Variants in DTWD2 observed in about 807,000 individuals in gnomAD.
DTWD2 encodes tRNA-uridine aminocarboxypropyltransferase 2.
In DTWD2, 39 loss-of-function variants were observed where a neutral mutation model predicts 31.8. That is an observed-to-expected ratio of 1.22 (90% CI 0.95 to 1.60). The LOEUF (loss-of-function observed/expected upper bound fraction) is 1.60. Ranked by LOEUF, DTWD2 falls within the 40% of genes most tolerant of loss-of-function variation. DTWD2 has a pLI of 0.00. For synonymous variants in DTWD2, 180 were observed against 142.8 expected, an observed-to-expected ratio of 1.26 and a Z score of -1.86; for missense variants, 515 against 381.5, an observed-to-expected ratio of 1.35 and a Z score of -2.92.
chr5:118,858,420 G>A (rs1752187335), intron 4 of DTWD2, among the ~76,000 whole-genome samples: 1 of 152,180 alleles, frequency 6.6e-6, no homozygotes, highest in South Asian at 2.1e-4. Flanking sequence ...TTGAGCTGGT[G>A]AGAAGTCTCT....
At chr5:118,861,474 G>A (rs1298152205) in intron 4 of DTWD2, among the ~76,000 whole-genome samples, 1 of 152,220 alleles carries the variant, frequency 6.6e-6, no homozygotes, top group East Asian at 1.9e-4. Context: ...CCTACTTACA[G>A]AGGTAGCATA....
rs747386647 is a variant in DTWD2 at position 118,836,211 on chromosome 5, G to A, written c.*4706C>T. Reference sequence around the variant, plus strand: ...AGTTTCTTTTAAAAATAATTCTTACGTTGTTAGTTCAAGTGAATCTTATTT... The same window carrying A: ...AGTTTCTTTTAAAAATAATTCTTACATTGTTAGTTCAAGTGAATCTTATTT... On this transcript the variant is annotated 3_prime_UTR_variant, in exon 6 of 6. Coordinates refer to ENST00000510708, the MANE Select transcript of DTWD2 (RefSeq NM_173666.4). Among the ~76,000 whole-genome samples, 4 of 151,738 alleles carry A rather than the reference G, an allele frequency of 2.6e-5. No individual in the cohort carries two copies. Among genetic ancestry groups the A allele is most frequent in the Admixed American group, 6.6e-5 (1 of 15,228 alleles).
At chr5:118,947,107 G>C (rs143934061) in intron 1 of DTWD2, among the ~76,000 whole-genome samples, 2 of 152,100 alleles carry the variant, frequency 1.3e-5, no homozygotes, top group African/African-American at 4.8e-5. Context: ...CTGGTGGGAC[G>C]GGGAGCAGCA....
At chr5:118,886,827 G>A (rs1268993771) in intron 4 of DTWD2, among the ~76,000 whole-genome samples, 1 of 152,028 alleles carries the variant, frequency 6.6e-6, no homozygotes. Context: ...GCTAGATGGG[G>A]ATTTTTCAAA....
chr5:118,940,811 A>G (rs1754161921), intron 2 of DTWD2, among the ~76,000 whole-genome samples: 1 of 152,208 alleles, frequency 6.6e-6, no homozygotes, highest in Non-Finnish European at 1.5e-5. Context: ...CTCTCATAAC[A>G]AATGAGGATT....
chr5:118,848,780 A>AT (rs549599674), intron 4 of DTWD2, among the ~76,000 whole-genome samples: 144 of 152,334 alleles, frequency 9.5e-4, no homozygotes, highest in African/African-American at 3.2e-3. Flanking sequence ...TGGGGAAAGG[A>AT]TTCCCTATTT....
chr5:118,942,329 C>A (rs112519744), intron 2 of DTWD2, among the ~76,000 whole-genome samples: 19 of 151,662 alleles, frequency 1.3e-4, no homozygotes, highest in Admixed American at 5.9e-4. Flanking sequence ...GGCAATATAG[C>A]GAGACCCCGT....
chr5:118,900,693 A>G (rs112884829), intron 4 of DTWD2, among the ~76,000 whole-genome samples: 61,021 of 151,958 alleles, frequency 0.4, 14,422 homozygotes, highest in African/African-American at 0.67. Context: ...TTGGGAGGCC[A>G]AGACGGGCAG....
intron 4 of DTWD2, among the ~76,000 whole-genome samples, chr5:118,903,085 T>A (rs1447812321): frequency 3.3e-5 from 5 of 151,582 alleles, no homozygotes; most frequent in African/African-American, 7.3e-5. Context: ...AAATAATATA[T>A]CCTAAAATTC....
chr5:118,959,123 A>G (rs923075718), intron 1 of DTWD2, among the ~76,000 whole-genome samples: 1 of 152,194 alleles, frequency 6.6e-6, no homozygotes, highest in African/African-American at 2.4e-5. Context: ...GGAAATAAAT[A>G]AAAGACGTCC....
intron 4 of DTWD2, among the ~76,000 whole-genome samples, chr5:118,908,295 G>A (rs575582669): frequency 7.2e-5 from 11 of 152,196 alleles, no homozygotes; most frequent in Non-Finnish European, 1.5e-5. Flanking sequence ...TGAGTTCCCT[G>A]GATTTTCATT....
At position 118,973,079 on chromosome 5, in the gene DTWD2, C is replaced by CCTTTTTTTTTTTTTTTT. The variant is rs1221777850; in HGVS notation, c.218+15214_218+15215insAAAAAAAAAAAAAAAAG. Among the ~76,000 whole-genome samples, 5 of 140,000 alleles carry CCTTTTTTTTTTTTTTTT rather than the reference C, an allele frequency of 3.6e-5. 2 individuals are homozygous for CCTTTTTTTTTTTTTTTT. Among genetic ancestry groups the CCTTTTTTTTTTTTTTTT allele is most frequent in the Non-Finnish European group, 7.7e-5 (5 of 64,614 alleles). 91.8% of individuals were successfully genotyped at this position (140,000 alleles called of 152,430 possible). ...TATCAGAAACTAGGATTGCAACCCC[C>CCTTTTTTTTTTTTTTTT]TTTTTTTTTTTTTTTTTTGGCTTTC... On this transcript the variant is annotated intron_variant, in intron 1 of 5. Coordinates refer to ENST00000510708, the MANE Select transcript of DTWD2 (RefSeq NM_173666.4).
chr5:118,983,873 G>C (rs941268223), intron 1 of DTWD2, among the ~76,000 whole-genome samples: 15 of 152,196 alleles, frequency 9.9e-5, no homozygotes, highest in African/African-American at 3.6e-4. Context: ...ACAGTAGCTG[G>C]GCGCGGTGGC....
intron 4 of DTWD2, among the ~76,000 whole-genome samples, chr5:118,913,969 A>AATAAAT (rs1298203966): frequency 1.9e-5 from 2 of 102,708 alleles, no homozygotes; most frequent in South Asian, 2.5e-4. Flanking sequence ...CCAAGCATAC[A>AATAAAT]ATAAATATAA....
At chr5:118,846,394 C>T (rs1751853764) in intron 5 of DTWD2, among the ~76,000 whole-genome samples, 1 of 152,072 alleles carries the variant, frequency 6.6e-6, no homozygotes, top group Non-Finnish European at 1.5e-5. Flanking sequence ...CAGTAAAGAT[C>T]CAATTCCAGT....
intron 5 of DTWD2, among the ~76,000 whole-genome samples, chr5:118,841,393 T>A (rs1291723338): frequency 2.0e-5 from 3 of 152,206 alleles, no homozygotes; most frequent in African/African-American, 7.2e-5. Flanking sequence ...ATTGTTGCCA[T>A]TATAATTGAA....
intron 1 of DTWD2, among the ~76,000 whole-genome samples, chr5:118,958,231 G>C (rs1404703517): frequency 1.3e-5 from 2 of 152,088 alleles, no homozygotes; most frequent in Non-Finnish European, 2.9e-5. Context: ...AAGGTGGGCA[G>C]ATCATGAGGT....
intron 1 of DTWD2, among the ~76,000 whole-genome samples, chr5:118,950,083 G>A (rs895810499): frequency 1.3e-5 from 2 of 151,850 alleles, no homozygotes; most frequent in Non-Finnish European, 1.5e-5. Context: ...GGTGGCGGAC[G>A]CCTGTCATCC....
intron 4 of DTWD2, among the ~76,000 whole-genome samples, chr5:118,920,567 T>C (rs1293445408): frequency 6.6e-6 from 1 of 151,854 alleles, no homozygotes; most frequent in African/African-American, 2.4e-5. Context: ...CTTTTTTTAT[T>C]AGGCATTTTT....
Sources: gnomAD v4.1 joint callset for allele counts (sites outside exome capture counted in the v4.1 genomes callset) on GRCh38, gnomAD v4.1.1 for gene constraint, MANE v1.5 for transcripts, NCBI Gene and HGNC (gene_info 2026-07-23, HGNC 2026-07-21) for gene names.